Variants in VSTM4 observed in about 807,000 individuals in gnomAD.
VSTM4 encodes the protein V-set and transmembrane domain-containing protein 4.
A neutral mutation model predicts 36.4 loss-of-function variants in VSTM4; 20 were observed. That is an observed-to-expected ratio of 0.55 (90% confidence interval 0.39 to 0.80). The LOEUF (loss-of-function observed/expected upper bound fraction) is 0.80, where lower values mean the gene tolerates loss of function less well. Ranked by LOEUF, VSTM4 falls within the 30% of genes least tolerant of loss-of-function variation. VSTM4 has a pLI of 0.00. For missense variants in VSTM4, 392 were observed against 404.5 expected (o/e 0.97, Z 0.26); for synonymous variants, 182 against 173.9 (o/e 1.05, Z -0.37).
chr10:49,032,788 A>C (rs963385272), intron 7 of VSTM4, among the ~76,000 whole-genome samples: 4 of 152,130 alleles, frequency 2.6e-5, no homozygotes, highest in African/African-American at 9.7e-5. Context: ...TGCTGCTTGG[A>C]GTCATCTAAA....
chr10:49,108,235 A>T (rs533628054), intron 1 of VSTM4, among the ~76,000 whole-genome samples: 1 of 152,176 alleles, frequency 6.6e-6, no homozygotes, highest in South Asian at 2.1e-4. Flanking sequence ...CTAAACAATG[A>T]CCTCCTGACC....
At chr10:49,113,814 G>A (rs1301192141) in intron 1 of VSTM4, among the ~76,000 whole-genome samples, 1 of 152,114 alleles carries the variant, frequency 6.6e-6, no homozygotes, top group Admixed American at 6.5e-5. Flanking sequence ...TCATGAATGA[G>A]GCACTTAGAA....
chr10:49,027,118 C>T (rs1053687672), intron 7 of VSTM4, among the ~76,000 whole-genome samples: 2 of 152,170 alleles, frequency 1.3e-5, no homozygotes, highest in Non-Finnish European at 2.9e-5. Context: ...ACTCACTGCA[C>T]CTGTGATTTC....
At chr10:49,097,862 G>C (rs921373912) in intron 2 of VSTM4, among the ~76,000 whole-genome samples, 4 of 152,188 alleles carry the variant, frequency 2.6e-5, no homozygotes, top group African/African-American at 7.2e-5. Flanking sequence ...ACCTAAAATT[G>C]TGACTCAACT....
chr10:49,075,566 C>G (rs1336817876), intron 4 of VSTM4, among the ~76,000 whole-genome samples: 1 of 152,246 alleles, frequency 6.6e-6, no homozygotes, highest in Non-Finnish European at 1.5e-5. Context: ...GGGTTGAGAA[C>G]AGGAAAAAGC....
chr10:49,079,102 G>T (rs1420831647), intron 3 of VSTM4, among the ~76,000 whole-genome samples: 1 of 152,134 alleles, frequency 6.6e-6, no homozygotes, highest in East Asian at 1.9e-4. Flanking sequence ...AAAGTGCTGG[G>T]ATTACAGGCA....
rs1308201894 is a variant in VSTM4 at position 49,015,911 on chromosome 10, C to T, written c.*3739G>A. 6.6e-6 allele frequency: 1 copy of T among 152,300 alleles called. No homozygotes were observed. Among genetic ancestry groups the T allele is most frequent in the Admixed American group, 6.5e-5 (1 of 15,290 alleles). The allele number at this position is 152,300 out of a possible 1,614,324, so 9.4% of individuals were successfully genotyped here. ...AGTCCTCCTCTGGTCCTGTTGGTGT[C>T]CCTCTCCAAATCTGAGGCCTCCCTT... On this transcript the variant is annotated 3_prime_UTR_variant, in exon 8 of 8. Transcript: ENST00000332853.
At chr10:49,065,526 C>T (rs1843958289) in intron 4 of VSTM4, among the ~76,000 whole-genome samples, 1 of 152,198 alleles carries the variant, frequency 6.6e-6, no homozygotes, top group Non-Finnish European at 1.5e-5. Context: ...GACACCTGTG[C>T]TATGGGGTTT....
rs1843153622 is a variant in VSTM4 at position 49,019,742 on chromosome 10, C to A, written c.871G>T (p.Glu291Ter). 6.2e-7 allele frequency: 1 copy of A among 1,613,644 alleles called. No homozygotes were observed. Among genetic ancestry groups the A allele is most frequent in the Non-Finnish European group, 8.5e-7 (1 of 1,179,870 alleles). ...CGGTGGGGTTTGATCAGCTCCAGTT[C>A]GGCATAGGTTAAGTTTTCCTCAGCA... ...KIAEENLTYAELELIKPHRAA... is the reference protein window; with the variant it reads ...KIAEENLTYA Residue 291 changes from glutamate (E) to a stop codon, truncating the protein, a stop_gained, in exon 8 of 8, where the codon GAA (glutamate) becomes TAA (stop). Transcript: ENST00000332853. LOFTEE classifies it high-confidence loss of function.
intron 7 of VSTM4, among the ~76,000 whole-genome samples, chr10:49,031,617 CTGGCTATTTTATTTTATT>C (rs1843347477): frequency 6.6e-6 from 1 of 152,226 alleles, no homozygotes; most frequent in Non-Finnish European, 1.5e-5. Flanking sequence ...CCAAACACAT[CTGGCTATTTTATTTTATT>C]TTTTGGTAGG....
At position 49,047,679 on chromosome 10, in the gene VSTM4, T is replaced by G. The variant is rs547125836; in HGVS notation, c.776-635A>C. Among the ~76,000 whole-genome samples, 15 of 152,320 alleles carry G rather than the reference T, an allele frequency of 9.8e-5. No homozygotes were observed. In the East Asian group the frequency reaches 2.9e-3, roughly 29 times the overall value. ...TCTACTCCCTTCCCTCCCAGGTCCA[T>G]GCTTTTCATCCCCCTGCAGTACAAC... On this transcript the variant is annotated intron_variant, in intron 6 of 7. Transcript: ENST00000332853.
At chr10:49,067,297 A>G (rs1843990752) in intron 4 of VSTM4, among the ~76,000 whole-genome samples, 1 of 152,268 alleles carries the variant, frequency 6.6e-6, no homozygotes, top group Admixed American at 6.5e-5. Context: ...TAATCTTCAC[A>G]GTAGCCTTGT....
At chr10:49,062,206 A>G (rs978274620) in intron 5 of VSTM4, among the ~76,000 whole-genome samples, 6 of 152,120 alleles carry the variant, frequency 3.9e-5, no homozygotes, top group Admixed American at 3.9e-4. Context: ...TAAATCCTCA[A>G]ATGTGATTTT....
At chr10:49,052,998 CTG>C (rs1843721829) in intron 5 of VSTM4, among the ~76,000 whole-genome samples, 1 of 152,190 alleles carries the variant, frequency 6.6e-6, no homozygotes, top group South Asian at 2.1e-4. Context: ...GCCAGCAGGA[CTG>C]GTCGGAATAT....
At chr10:49,113,104 G>A (rs746522921) in intron 1 of VSTM4, among the ~76,000 whole-genome samples, 1 of 152,214 alleles carries the variant, frequency 6.6e-6, no homozygotes, top group Non-Finnish European at 1.5e-5. Context: ...CTCTCTGCCT[G>A]AAGAAACTGC....
intron 1 of VSTM4, among the ~76,000 whole-genome samples, chr10:49,114,965 C>T (rs1844964428): frequency 6.6e-6 from 1 of 152,162 alleles, no homozygotes; most frequent in South Asian, 2.1e-4. Flanking sequence ...CGTTCCCCAC[C>T]TCCTGGCCAA....
chr10:49,064,640 A>T, intron 5 of VSTM4, 63 bp downstream of exon 5: 1 of 1,529,302 alleles, frequency 6.5e-7, no homozygotes, highest in Non-Finnish European at 9.0e-7. Flanking sequence ...ATTTATTGGT[A>T]ATATCAAAAG....
At chr10:49,029,783 G>A (rs1053019374) in intron 7 of VSTM4, among the ~76,000 whole-genome samples, 1 of 152,236 alleles carries the variant, frequency 6.6e-6, no homozygotes, top group Non-Finnish European at 1.5e-5. Context: ...GGGGAAGTTG[G>A]GGGAGAAGGG....
At chr10:49,046,886 C>T (rs1220152546) in intron 7 of VSTM4, 97 bp downstream of exon 7, 2 of 1,259,130 alleles carry the variant, frequency 1.6e-6, no homozygotes, top group Non-Finnish European at 2.3e-6. Flanking sequence ...GTTTCTAAAA[C>T]TTTCTGTATG....
Sources: gnomAD v4.1 joint callset for allele counts (sites outside exome capture counted in the v4.1 genomes callset) on GRCh38, gnomAD v4.1.1 for gene constraint, MANE v1.5 for transcripts, NCBI Gene and HGNC (gene_info 2026-07-23, HGNC 2026-07-21) for gene names.